Variants in CDH12 observed in about 807,000 individuals in gnomAD.
The protein encoded by CDH12 is cadherin 12, also known as cadherin-12.
A neutral mutation model predicts 74.1 loss-of-function variants in CDH12; 41 were observed. That is an observed-to-expected ratio of 0.55 (90% CI 0.43 to 0.72). CDH12 has a LOEUF of 0.72. CDH12 is among the 30% of genes least tolerant of loss of function. The probability of loss-of-function intolerance (pLI) is 0.00; values close to 1 mark genes in which losing one functional copy is unlikely to be tolerated. For synonymous variants in CDH12, 399 were observed against 355.0 expected, an observed-to-expected ratio of 1.12 and a Z score of -1.39; for missense variants, 945 against 977.2, an observed-to-expected ratio of 0.97 and a Z score of 0.44.
chr5:22,260,787 A>G (rs1753476765), intron 3 of CDH12, among the ~76,000 whole-genome samples: 1 of 152,036 alleles, frequency 6.6e-6, no homozygotes, highest in Non-Finnish European at 1.5e-5. Flanking sequence ...GTTTGCTTTA[A>G]GACGTTGACA....
At chr5:22,179,508 A>T (rs1471625978) in intron 4 of CDH12, among the ~76,000 whole-genome samples, 3 of 152,230 alleles carry the variant, frequency 2.0e-5, no homozygotes, top group Admixed American at 2.0e-4. Context: ...GAAGTTAATT[A>T]TTTTAATACA....
chr5:21,865,713 G>A (rs1751289988), intron 6 of CDH12, among the ~76,000 whole-genome samples: 1 of 152,110 alleles, frequency 6.6e-6, no homozygotes, highest in African/African-American at 2.4e-5. Flanking sequence ...CAGAGTGAGT[G>A]GGCTGTAAGA....
intron 1 of CDH12, among the ~76,000 whole-genome samples, chr5:22,581,424 T>C: frequency 6.6e-6 from 1 of 152,198 alleles, no homozygotes; most frequent in East Asian, 1.9e-4. Context: ...AATGTCTGAA[T>C]GCCCAGGCAG....
At chr5:22,418,887 AAAAT>A (rs1344744422) in intron 2 of CDH12, among the ~76,000 whole-genome samples, 1 of 152,138 alleles carries the variant, frequency 6.6e-6, no homozygotes, top group African/African-American at 2.4e-5. Context: ...TCAAAAAACA[AAAAT>A]AAATAAATAA....
intron 7 of CDH12, among the ~76,000 whole-genome samples, chr5:21,853,396 C>T (rs951461571): frequency 2.0e-5 from 3 of 151,530 alleles, no homozygotes; most frequent in Admixed American, 6.6e-5. Context: ...CTGATGCTGT[C>T]CTTATTAAAC....
intron 1 of CDH12, among the ~76,000 whole-genome samples, chr5:22,528,367 T>C (rs973131484): frequency 2.6e-5 from 4 of 152,226 alleles, no homozygotes; most frequent in South Asian, 2.1e-4. Flanking sequence ...CTGAGCTTCA[T>C]CAATACTCTC....
At chr5:22,216,736 C>T (rs181483316) in intron 3 of CDH12, among the ~76,000 whole-genome samples, 3 of 151,792 alleles carry the variant, frequency 2.0e-5, no homozygotes, top group East Asian at 1.9e-4. Flanking sequence ...TCCGGTTTCA[C>T]GCACATATAC....
At position 22,240,654 on chromosome 5, in the gene CDH12, T is replaced by A. The variant is rs1313223908; in HGVS notation, c.-332-28011A>T. 8.5e-5 allele frequency among the ~76,000 whole-genome samples: 13 copies of A among 152,188 alleles called. No individual in the cohort carries two copies. In the East Asian group the frequency reaches 2.3e-3, roughly 27 times the overall value. ...CTTCAACTGATTCTCCAGCCTCAGC[T>A]TCCTGAGTAGCTGGGATTACAGGCG... On this transcript the variant is annotated intron_variant, in intron 3 of 14. Transcript: ENST00000382254.
chr5:22,040,099 T>C (rs1291687271), intron 5 of CDH12, among the ~76,000 whole-genome samples: 2 of 151,862 alleles, frequency 1.3e-5, no homozygotes, highest in East Asian at 1.9e-4. Context: ...GAATGAGAAA[T>C]TTAGCAAAGA....
intron 1 of CDH12, among the ~76,000 whole-genome samples, chr5:22,766,076 C>G (rs946068870): frequency 7.2e-5 from 11 of 151,770 alleles, no homozygotes; most frequent in Non-Finnish European, 1.3e-4. Flanking sequence ...CATGAGGATA[C>G]AATTTAACAT....
chr5:22,763,839 C>T (rs1356640128), intron 1 of CDH12, among the ~76,000 whole-genome samples: 1 of 151,844 alleles, frequency 6.6e-6, no homozygotes, highest in East Asian at 1.9e-4. Flanking sequence ...TTTACTTATA[C>T]AATCTAATAT....
intron 1 of CDH12, among the ~76,000 whole-genome samples, chr5:22,823,831 T>C (rs1341318402): frequency 6.6e-6 from 1 of 152,168 alleles, no homozygotes; most frequent in Non-Finnish European, 1.5e-5. Flanking sequence ...TCTGCCATGA[T>C]TGTAAGTTTT....
intron 4 of CDH12, among the ~76,000 whole-genome samples, chr5:22,127,900 A>C (rs868798143): frequency 6.6e-6 from 1 of 152,108 alleles, no homozygotes; most frequent in South Asian, 2.1e-4. Flanking sequence ...GTTTACTAGA[A>C]GAGCTAGATG....
chr5:21,975,004 A>G, intron 6 of CDH12, 87 bp downstream of exon 6: 1 of 794,804 alleles, frequency 1.3e-6, no homozygotes, highest in East Asian at 2.5e-5. Flanking sequence ...CTTTTAGATG[A>G]TAGATAAGAT....
chr5:21,776,626 G>A (rs182471515), intron 11 of CDH12, among the ~76,000 whole-genome samples: 13 of 152,166 alleles, frequency 8.5e-5, no homozygotes, highest in Non-Finnish European at 2.9e-5. Context: ...CTATTTATGT[G>A]CCATCCTCCA....
intron 2 of CDH12, among the ~76,000 whole-genome samples, chr5:22,481,142 A>G (rs1383659632): frequency 6.6e-6 from 1 of 152,236 alleles, no homozygotes; most frequent in East Asian, 1.9e-4. Context: ...AATCAAAACA[A>G]CAGTGAGATA....
At chr5:21,846,201 C>A (rs1003357320) in intron 7 of CDH12, among the ~76,000 whole-genome samples, 2 of 152,160 alleles carry the variant, frequency 1.3e-5, no homozygotes, top group African/African-American at 4.8e-5. Flanking sequence ...AAACAGTACA[C>A]CTGGTCTGAC....
intron 1 of CDH12, among the ~76,000 whole-genome samples, chr5:22,541,284 G>A (rs145644767): frequency 1.1e-4 from 17 of 152,204 alleles, no homozygotes; most frequent in Middle Eastern, 3.4e-3. Flanking sequence ...TTGGCAGTTC[G>A]CCAGAAACTC....
At chr5:22,002,998 T>C (rs1357950562) in intron 5 of CDH12, among the ~76,000 whole-genome samples, 2 of 152,072 alleles carry the variant, frequency 1.3e-5, no homozygotes, top group Non-Finnish European at 2.9e-5. Flanking sequence ...AAGAAAATTA[T>C]TTAAACAAAA....
Sources: gnomAD v4.1 joint callset for allele counts (sites outside exome capture counted in the v4.1 genomes callset) on GRCh38, gnomAD v4.1.1 for gene constraint, MANE v1.5 for transcripts, NCBI Gene and HGNC (gene_info 2026-07-23, HGNC 2026-07-21) for gene names.